Variants in KIF16B observed in about 807,000 individuals in gnomAD.
KIF16B encodes the protein kinesin family member 16B.
Under a neutral mutation model 156.3 loss-of-function variants are expected in KIF16B, and 98 were observed. The observed-to-expected ratio is 0.63, with a 90% CI of 0.53 to 0.74. The LOEUF (loss-of-function observed/expected upper bound fraction) is 0.74. Ranked by LOEUF, KIF16B falls within the 30% of genes least tolerant of loss-of-function variation. The probability of loss-of-function intolerance (pLI) is 0.00; values close to 1 mark genes in which losing one functional copy is unlikely to be tolerated. For synonymous variants in KIF16B, 564 were observed against 583.7 expected (o/e 0.97, Z 0.49); for missense variants, 1,421 against 1,606.5 (o/e 0.88, Z 1.97).
At chr20:16,551,537 A>G (rs1449920770) in intron 1 of KIF16B, among the ~76,000 whole-genome samples, 3 of 152,172 alleles carry the variant, frequency 2.0e-5, no homozygotes, top group Non-Finnish European at 4.4e-5. Flanking sequence ...AAGGCCCTAA[A>G]GGTGTGCAAC....
chr20:16,319,708 G>A (rs2328015), intron 24 of KIF16B, among the ~76,000 whole-genome samples: 11 of 152,020 alleles, frequency 7.2e-5, no homozygotes, highest in Non-Finnish European at 1.6e-4. Flanking sequence ...CCAGTCTTGA[G>A]GAAGGTCTCC....
intron 1 of KIF16B, among the ~76,000 whole-genome samples, chr20:16,557,270 T>C (rs1175545673): frequency 6.6e-6 from 1 of 151,970 alleles, no homozygotes; most frequent in African/African-American, 2.4e-5. Flanking sequence ...AACCTCCGCC[T>C]CCCAGGTTCA....
chr20:16,417,552 G>C (rs2066121236), intron 15 of KIF16B, among the ~76,000 whole-genome samples: 1 of 152,056 alleles, frequency 6.6e-6, no homozygotes, highest in African/African-American at 2.4e-5. Context: ...AGCACAGAAA[G>C]AACCAGGAAA....
chr20:16,498,438 C>A (rs2068517083), intron 10 of KIF16B, among the ~76,000 whole-genome samples: 1 of 152,092 alleles, frequency 6.6e-6, no homozygotes, highest in South Asian at 2.1e-4. Flanking sequence ...CACTTTTTCC[C>A]AATTTGGTTG....
At chr20:16,519,731 GC>G (rs2069267109) in intron 3 of KIF16B, among the ~76,000 whole-genome samples, 1 of 152,122 alleles carries the variant, frequency 6.6e-6, no homozygotes, top group South Asian at 2.1e-4. Flanking sequence ...TGGCAAGATG[GC>G]CAAATAGGAA....
chr20:16,365,223 T>C (rs1282986360), intron 22 of KIF16B, among the ~76,000 whole-genome samples: 1 of 152,156 alleles, frequency 6.6e-6, no homozygotes, highest in Non-Finnish European at 1.5e-5. Flanking sequence ...ATATATTAGT[T>C]TTAAAAAGTT....
At chr20:16,461,475 C>T (rs1184723648) in intron 12 of KIF16B, among the ~76,000 whole-genome samples, 1 of 151,996 alleles carries the variant, frequency 6.6e-6, no homozygotes, top group East Asian at 1.9e-4. Flanking sequence ...AAATTAAGTA[C>T]ACATAACAAA....
intron 22 of KIF16B, chr20:16,368,977 G>T: frequency 2.0e-6 from 2 of 985,850 alleles, no homozygotes; most frequent in Non-Finnish European, 2.4e-6. Flanking sequence ...AGAGATTTTA[G>T]GTAGATTAAA....
intron 24 of KIF16B, among the ~76,000 whole-genome samples, chr20:16,332,106 T>C (rs2063958261): frequency 6.6e-6 from 1 of 152,222 alleles, no homozygotes; most frequent in Non-Finnish European, 1.5e-5. Context: ...GACAGGCTAC[T>C]GTGTTTTTAG....
At chr20:16,459,025 A>G (rs537238136) in intron 12 of KIF16B, among the ~76,000 whole-genome samples, 2 of 152,330 alleles carry the variant, frequency 1.3e-5, no homozygotes, top group South Asian at 2.1e-4. Flanking sequence ...TAGAACTTGC[A>G]TTGAACAAAC....
chr20:16,567,978 G>A (rs1600716646), intron 1 of KIF16B, among the ~76,000 whole-genome samples: 1 of 152,134 alleles, frequency 6.6e-6, no homozygotes, highest in Admixed American at 6.6e-5. Context: ...TGTAGTACCT[G>A]GTACCTGGCA....
intron 1 of KIF16B, among the ~76,000 whole-genome samples, chr20:16,532,021 T>C (rs2069772286): frequency 6.7e-6 from 1 of 150,126 alleles, no homozygotes; most frequent in Non-Finnish European, 1.5e-5. Flanking sequence ...TAAGCCGAGA[T>C]TGTGCCATTG....
At chr20:16,404,157 C>T (rs1180098306) in intron 17 of KIF16B, among the ~76,000 whole-genome samples, 2 of 152,148 alleles carry the variant, frequency 1.3e-5, no homozygotes, top group African/African-American at 4.8e-5. Context: ...TTTGATTTAC[C>T]TCCATTATTT....
At chr20:16,431,861 G>A (rs73898734) in intron 12 of KIF16B, among the ~76,000 whole-genome samples, 6 of 142,590 alleles carry the variant, frequency 4.2e-5, no homozygotes, top group African/African-American at 1.5e-4. Context: ...CTATTAGTGT[G>A]TATATATATA....
intron 1 of KIF16B, among the ~76,000 whole-genome samples, chr20:16,572,617 T>C (rs1000805200): frequency 6.6e-6 from 1 of 152,194 alleles, no homozygotes; most frequent in Non-Finnish European, 1.5e-5. Flanking sequence ...TATAACAAGA[T>C]TAAATTTTGT....
At chr20:16,466,030 C>T (rs2067481154) in intron 12 of KIF16B, among the ~76,000 whole-genome samples, 1 of 152,090 alleles carries the variant, frequency 6.6e-6, no homozygotes, top group Non-Finnish European at 1.5e-5. Context: ...TTTAGAAGTG[C>T]AGGACAGGAA....
At chr20:16,514,902 A>G (rs1478509400) in intron 4 of KIF16B, among the ~76,000 whole-genome samples, 2 of 149,394 alleles carry the variant, frequency 1.3e-5, no homozygotes, top group African/African-American at 4.9e-5. Context: ...AAAAAAAAAA[A>G]AAAAAAAAAA....
rs77335691 is a variant in KIF16B, at chr20:16,333,009, C to G, written c.3711+2917G>C. On this transcript the variant is annotated intron_variant, in intron 24 of 25. Transcript: ENST00000354981. ...CCTTTTAAGTGTATAAATAAAACCA[C>G]TTTGTTACCAGGCTTAATACTGTCC... Among the ~76,000 whole-genome samples, 969 of 152,274 alleles carry G rather than the reference C, an allele frequency of 6.4e-3. 10 individuals are homozygous for G. Among genetic ancestry groups the G allele is most frequent in the African/African-American group, 0.02 (841 of 41,540 alleles).
chr20:16,371,543 T>C (rs1157414525), intron 21 of KIF16B, 122 bp downstream of exon 21: 2 of 597,522 alleles, frequency 3.3e-6, no homozygotes, highest in Non-Finnish European at 5.8e-6. Context: ...TGAGCCAAGA[T>C]GGTGCCACTG....
Sources: allele counts gnomAD v4.1 joint callset (sites outside exome capture counted in the v4.1 genomes callset), GRCh38; gene constraint gnomAD v4.1.1; transcripts MANE v1.5; gene names NCBI Gene and HGNC (gene_info 2026-07-23, HGNC 2026-07-21).